Variants in MFHAS1 observed in about 807,000 individuals in gnomAD.
MFHAS1 encodes multifunctional ROCO family signaling regulator 1, also known as malignant fibrous histiocytoma-amplified sequence 1.
MFHAS1 carries 50 observed loss-of-function variants against 70.4 expected under a neutral mutation model. The observed-to-expected ratio is 0.71, with a 90% confidence interval of 0.57 to 0.90. The LOEUF is 0.90. MFHAS1 is among the 40% of genes least tolerant of loss of function. MFHAS1 has a pLI of 0.00. For synonymous variants in MFHAS1, 952 were observed against 620.0 expected, an observed-to-expected ratio of 1.54 and a Z score of -7.96; for missense variants, 1,795 against 1,347.6, an observed-to-expected ratio of 1.33 and a Z score of -5.20.
chr8:8,865,389 G>C (rs1325049012), intron 1 of MFHAS1, among the ~76,000 whole-genome samples: 1 of 150,812 alleles, frequency 6.6e-6, no homozygotes, highest in East Asian at 1.9e-4. Context: ...AAACTCAAAA[G>C]GCAAAAATCA....
chr8:8,808,553 G>A (rs1356184122), intron 1 of MFHAS1, among the ~76,000 whole-genome samples: 2 of 151,910 alleles, frequency 1.3e-5, no homozygotes, highest in African/African-American at 4.8e-5. Context: ...ACTTAATAAG[G>A]AAAGAAAAAA....
At chr8:8,851,231 T>G (rs567278719) in intron 1 of MFHAS1, among the ~76,000 whole-genome samples, 1 of 152,148 alleles carries the variant, frequency 6.6e-6, no homozygotes, top group African/African-American at 2.4e-5. Flanking sequence ...GTTTATTTAG[T>G]CTTGGGTGTC....
At chr8:8,811,984 CAAAA>C (rs1165932750) in intron 1 of MFHAS1, among the ~76,000 whole-genome samples, 1 of 152,124 alleles carries the variant, frequency 6.6e-6, no homozygotes, top group Non-Finnish European at 1.5e-5. Context: ...CAAGGGCAAA[CAAAA>C]AACCCCAAAA....
chr8:8,837,807 C>T (rs141883333), intron 1 of MFHAS1, among the ~76,000 whole-genome samples: 425 of 152,250 alleles, frequency 2.8e-3, no homozygotes, highest in African/African-American at 9.7e-3. Context: ...GAAACTGGAA[C>T]TCTTGTGCAC....
At chr8:8,876,992 G>A (rs1278670563) in intron 1 of MFHAS1, among the ~76,000 whole-genome samples, 1 of 151,682 alleles carries the variant, frequency 6.6e-6, no homozygotes, top group Non-Finnish European at 1.5e-5. Context: ...TCCAACAAAT[G>A]AAGTGCATAA....
chr8:8,829,821 A>G (rs973978525), intron 1 of MFHAS1, among the ~76,000 whole-genome samples: 1 of 152,196 alleles, frequency 6.6e-6, no homozygotes, highest in Non-Finnish European at 1.5e-5. Context: ...AGATAAATAC[A>G]AAAAAGAGAC....
At chr8:8,845,498 G>A (rs1007731982) in intron 1 of MFHAS1, among the ~76,000 whole-genome samples, 1 of 152,174 alleles carries the variant, frequency 6.6e-6, no homozygotes, top group Non-Finnish European at 1.5e-5. Flanking sequence ...GCCGGAAACA[G>A]GTTCTCAATG....
At chr8:8,826,957 C>T (rs1403375465) in intron 1 of MFHAS1, among the ~76,000 whole-genome samples, 1 of 152,214 alleles carries the variant, frequency 6.6e-6, no homozygotes, top group Non-Finnish European at 1.5e-5. Flanking sequence ...CCCAACCCTG[C>T]ACTGCTGACA....
chr8:8,816,540 G>A (rs1379058184), intron 1 of MFHAS1, among the ~76,000 whole-genome samples: 8 of 152,162 alleles, frequency 5.3e-5, no homozygotes, highest in East Asian at 3.8e-4. Context: ...CCATATAAGC[G>A]TGCATCGTTC....
chr8:8,827,915 T>TA, intron 1 of MFHAS1, among the ~76,000 whole-genome samples: 1 of 152,252 alleles, frequency 6.6e-6, no homozygotes, highest in African/African-American at 2.4e-5. Context: ...TCTTTTTTTT[T>TA]AAGAGACTTT....
intron 1 of MFHAS1, among the ~76,000 whole-genome samples, chr8:8,863,627 A>T (rs940913990): frequency 2.6e-5 from 4 of 152,162 alleles, no homozygotes; most frequent in Admixed American, 1.3e-4. Context: ...TGTTTTGACC[A>T]TCTGATTCCT....
At chr8:8,886,297 C>T (rs1276155901) in intron 1 of MFHAS1, among the ~76,000 whole-genome samples, 6 of 152,002 alleles carry the variant, frequency 3.9e-5, no homozygotes, top group African/African-American at 1.5e-4. Context: ...CCCCAACTAG[C>T]TGGGACCACA....
intron 2 of MFHAS1, among the ~76,000 whole-genome samples, chr8:8,787,301 T>G (rs186292937): frequency 2.9e-4 from 44 of 152,232 alleles, no homozygotes; most frequent in African/African-American, 6.7e-4. Flanking sequence ...AGGATGATCT[T>G]GATCTCCTGA....
rs769046174 is a variant in MFHAS1 at position 8,893,038 on chromosome 8, G to A, written c.21C>T (p.Gly7=). MAGMDS[G]NLKTARLWRD... ...GCCACAGCCTCGCGGTCTTCAGGTT[G>A]CCACTGTCCATCCCAGCCATGGCGG... The change falls in exon 1 of 3, where the codon GGC becomes GGT. Residue 7 remains glycine, a synonymous_variant. Transcript: ENST00000276282. The A allele has an allele frequency of 2.0e-6, 3 of 1,525,836 alleles. No homozygotes were observed. The highest frequency in any genetic ancestry group is 2.9e-5 in the African/African-American group (2 of 69,608). The allele number at this position is 1,525,836 out of a possible 1,614,324, so 94.5% of individuals were successfully genotyped here.
intron 2 of MFHAS1, among the ~76,000 whole-genome samples, chr8:8,789,202 G>T (rs1805649435): frequency 6.6e-6 from 1 of 152,178 alleles, no homozygotes; most frequent in Non-Finnish European, 1.5e-5. Context: ...ATTCATTCAT[G>T]TCACGACACA....
chr8:8,801,253 T>C lies in MFHAS1; in HGVS notation c.2999-3762A>G, dbSNP rs535981373. 2.0e-5 allele frequency among the ~76,000 whole-genome samples: 3 copies of C among 152,102 alleles called. No homozygotes were observed. The South Asian group carries it at 6.3e-4, about 32-fold the overall frequency. On this transcript the variant is annotated intron_variant, in intron 1 of 2. Coordinates refer to ENST00000276282, the MANE Select transcript of MFHAS1 (RefSeq NM_004225.3). Reference sequence around the variant, plus strand: ...AAGAAAGAAAGAATGTACAGCAGACTATTAAGCCTCCATTATCAACTCTAA... The same window carrying C: ...AAGAAAGAAAGAATGTACAGCAGACCATTAAGCCTCCATTATCAACTCTAA...
At chr8:8,818,549 T>C (rs1046664002) in intron 1 of MFHAS1, among the ~76,000 whole-genome samples, 6 of 152,326 alleles carry the variant, frequency 3.9e-5, no homozygotes, top group African/African-American at 1.2e-4. Flanking sequence ...CTGAGCCTCA[T>C]TTTTCTCATC....
intron 1 of MFHAS1, among the ~76,000 whole-genome samples, chr8:8,887,178 A>T (rs1462509401): frequency 6.6e-6 from 1 of 152,180 alleles, no homozygotes; most frequent in Non-Finnish European, 1.5e-5. Flanking sequence ...CTGCCAATAG[A>T]TTCAAAGGGT....
At chr8:8,813,913 T>A (rs1050986812) in intron 1 of MFHAS1, among the ~76,000 whole-genome samples, 2 of 151,402 alleles carry the variant, frequency 1.3e-5, no homozygotes, top group Non-Finnish European at 2.9e-5. Flanking sequence ...GTAAGTGCCC[T>A]ACACAGGTGT....
Sources: allele counts gnomAD v4.1 joint callset (sites outside exome capture counted in the v4.1 genomes callset), GRCh38; gene constraint gnomAD v4.1.1; transcripts MANE v1.5; gene names NCBI Gene and HGNC (gene_info 2026-07-23, HGNC 2026-07-21).